CSMD1: variants seen among roughly 807,000 people sequenced by gnomAD.
CSMD1 encodes CUB and Sushi multiple domains 1, also known as CUB and sushi domain-containing protein 1.
In CSMD1, 213 loss-of-function variants were observed where a neutral mutation model predicts 417.5. The observed-to-expected ratio is 0.51, with a 90% CI of 0.46 to 0.57. The LOEUF (loss-of-function observed/expected upper bound fraction) is 0.57, where lower values mean the gene tolerates loss of function less well. Ranked by LOEUF, CSMD1 falls within the 20% of genes least tolerant of loss-of-function variation. CSMD1 has a pLI of 0.00. For missense variants in CSMD1, 6,923 were observed against 4,529.7 expected (o/e 1.53, Z -15.17); for synonymous variants, 2,862 against 1,736.8 (o/e 1.65, Z -16.11).
intron 5 of CSMD1, among the ~76,000 whole-genome samples, chr8:3,925,838 T>G (rs1809621851): frequency 6.6e-6 from 1 of 152,060 alleles, no homozygotes; most frequent in Non-Finnish European, 1.5e-5. Context: ...ATACGGGCAG[T>G]GAAAGATATT....
intron 3 of CSMD1, among the ~76,000 whole-genome samples, chr8:4,180,870 T>G (rs1264566429): frequency 6.6e-6 from 1 of 152,152 alleles, no homozygotes; most frequent in Non-Finnish European, 1.5e-5. Context: ...GATACTAAAT[T>G]CTGAACTTGT....
At chr8:3,913,239 G>C (rs561228187) in intron 5 of CSMD1, among the ~76,000 whole-genome samples, 3 of 152,128 alleles carry the variant, frequency 2.0e-5, no homozygotes, top group Non-Finnish European at 4.4e-5. Flanking sequence ...AAACATTCAG[G>C]AATCCTTGGC....
intron 1 of CSMD1, among the ~76,000 whole-genome samples, chr8:4,957,036 T>C (rs923692673): frequency 1.3e-5 from 2 of 152,150 alleles, no homozygotes; most frequent in Non-Finnish European, 2.9e-5. Flanking sequence ...TGAGAAGAAA[T>C]TCAGGAAGAG....
intron 3 of CSMD1, among the ~76,000 whole-genome samples, chr8:4,269,126 G>C (rs1804408167): frequency 6.6e-6 from 1 of 152,102 alleles, no homozygotes; most frequent in South Asian, 2.1e-4. Context: ...GTGTGATCTT[G>C]GCTCACTGAA....
At chr8:4,961,648 C>A (rs1465018925) in intron 1 of CSMD1, among the ~76,000 whole-genome samples, 1 of 152,036 alleles carries the variant, frequency 6.6e-6, no homozygotes, top group Non-Finnish European at 1.5e-5. Context: ...TATTTTCATC[C>A]AGAAAAACCC....
At chr8:3,622,234 C>T (rs903486747) in intron 7 of CSMD1, among the ~76,000 whole-genome samples, 1 of 152,168 alleles carries the variant, frequency 6.6e-6, no homozygotes, top group Non-Finnish European at 1.5e-5. Context: ...ATTCTTTCTG[C>T]CATCACAGGC....
chr8:4,007,663 G>A (rs922356370), intron 4 of CSMD1, among the ~76,000 whole-genome samples: 2 of 151,452 alleles, frequency 1.3e-5, no homozygotes, highest in East Asian at 1.9e-4. Context: ...CCTGATAGAA[G>A]TATTCTTTCT....
chr8:3,887,450 G>C (rs10099260), intron 5 of CSMD1, among the ~76,000 whole-genome samples: 2,463 of 152,320 alleles, frequency 0.016, 71 homozygotes, highest in African/African-American at 0.055. Flanking sequence ...ATCCATGAAA[G>C]TGGGGCTAAT....
At chr8:2,951,045 C>A (rs1802590361) in intron 66 of CSMD1, 69 bp downstream of exon 66, 4 of 1,499,504 alleles carry the variant, frequency 2.7e-6, no homozygotes, top group Non-Finnish European at 9.0e-7. Flanking sequence ...ACTAGATCAC[C>A]TCTCTGTGAA....
intron 25 of CSMD1, among the ~76,000 whole-genome samples, chr8:3,292,712 A>C (rs534763552): frequency 1.5e-4 from 23 of 152,122 alleles, no homozygotes; most frequent in Non-Finnish European, 2.9e-4. Context: ...TTTTGAGCCT[A>C]TGTGTGTCTC....
intron 36 of CSMD1, among the ~76,000 whole-genome samples, chr8:3,181,848 G>C (rs758484473): frequency 1.3e-5 from 2 of 152,164 alleles, no homozygotes; most frequent in Non-Finnish European, 1.5e-5. Flanking sequence ...AGATACCGAG[G>C]ACCAGGGTAA....
At chr8:3,654,224 T>A (rs1034583613) in intron 7 of CSMD1, among the ~76,000 whole-genome samples, 1 of 152,214 alleles carries the variant, frequency 6.6e-6, no homozygotes, top group African/African-American at 2.4e-5. Context: ...GACTGAATTG[T>A]ATGTAAACCT....
At chr8:3,908,864 G>C (rs752492036) in intron 5 of CSMD1, among the ~76,000 whole-genome samples, 6 of 152,172 alleles carry the variant, frequency 3.9e-5, no homozygotes, top group Non-Finnish European at 8.8e-5. Flanking sequence ...ATGTTACTGT[G>C]AGGTAATATA....
chr8:4,179,617 A>G (rs1175594894), intron 3 of CSMD1, among the ~76,000 whole-genome samples: 2 of 150,826 alleles, frequency 1.3e-5, no homozygotes, highest in Non-Finnish European at 2.9e-5. Context: ...ACAGCAAAAC[A>G]AACTACCATC....
chr8:3,968,272 T>G (rs181303108), intron 5 of CSMD1, among the ~76,000 whole-genome samples: 29 of 151,968 alleles, frequency 1.9e-4, no homozygotes, highest in African/African-American at 6.0e-4. Flanking sequence ...CAGGTATAGG[T>G]AGTATGAGTA....
intron 2 of CSMD1, among the ~76,000 whole-genome samples, chr8:4,633,119 G>T (rs993225930): frequency 4.6e-5 from 7 of 152,192 alleles, no homozygotes; most frequent in Non-Finnish European, 7.3e-5. Flanking sequence ...GGCAGGAAAG[G>T]ATCGTGCATT....
chr8:3,426,687 A>T (rs1176451724), intron 12 of CSMD1, among the ~76,000 whole-genome samples: 5 of 152,202 alleles, frequency 3.3e-5, no homozygotes, highest in African/African-American at 1.2e-4. Flanking sequence ...TTTTTCTTAC[A>T]TTACAAACCA....
At chr8:3,550,077 AG>A (rs1327699691) in intron 10 of CSMD1, among the ~76,000 whole-genome samples, 1 of 152,180 alleles carries the variant, frequency 6.6e-6, no homozygotes, top group African/African-American at 2.4e-5. Context: ...GTAAAAGGCA[AG>A]AAAAAAGAAA....
chr8:4,186,623 G>T (rs546525618), intron 3 of CSMD1, among the ~76,000 whole-genome samples: 2 of 152,206 alleles, frequency 1.3e-5, no homozygotes, highest in African/African-American at 4.8e-5. Flanking sequence ...TCTTCCAGGG[G>T]CTAAGAGGCT....
Sources: allele counts gnomAD v4.1 joint callset (sites outside exome capture counted in the v4.1 genomes callset), GRCh38; gene constraint gnomAD v4.1.1; transcripts MANE v1.5; gene names NCBI Gene and HGNC (gene_info 2026-07-23, HGNC 2026-07-21).